Variants in YTHDF2 observed in about 807,000 individuals in gnomAD.
The protein encoded by YTHDF2 is YTH domain-containing family protein 2.
YTHDF2 carries 2 observed loss-of-function variants against 50.4 expected under a neutral mutation model. The ratio of observed to expected loss-of-function variants is 0.04; its 90% CI spans 0.02 to 0.12. The LOEUF (loss-of-function observed/expected upper bound fraction) is 0.12, where lower values mean the gene tolerates loss of function less well. Ranked by LOEUF, YTHDF2 falls within the 10% of genes least tolerant of loss-of-function variation. The pLI, the probability that YTHDF2 is intolerant of heterozygous loss-of-function variation, is 1.00. For missense variants in YTHDF2, 483 were observed against 722.6 expected, an observed-to-expected ratio of 0.67 and a Z score of 3.80; for synonymous variants, 217 against 255.6, an observed-to-expected ratio of 0.85 and a Z score of 1.44.
At chr1:28,750,981 T>C (rs965640080) in intron 4 of YTHDF2, among the ~76,000 whole-genome samples, 1 of 149,750 alleles carries the variant, frequency 6.7e-6, no homozygotes, top group Non-Finnish European at 1.5e-5. Flanking sequence ...TAATACCAGC[T>C]AGTTAGGAGG....
chr1:28,755,284 A>G (rs1375222592), intron 4 of YTHDF2, among the ~76,000 whole-genome samples: 1 of 152,138 alleles, frequency 6.6e-6, no homozygotes, highest in Non-Finnish European at 1.5e-5. Flanking sequence ...CAGGAATTTG[A>G]ATTTTCAACC....
intron 4 of YTHDF2, among the ~76,000 whole-genome samples, chr1:28,747,940 A>G (rs2087890135): frequency 1.3e-5 from 2 of 150,256 alleles, no homozygotes; most frequent in African/African-American, 2.4e-5. Context: ...CCTGGCTAAC[A>G]TGGTGAAACC....
At chr1:28,747,202 C>G (rs1193570301) in intron 4 of YTHDF2, among the ~76,000 whole-genome samples, 1 of 152,154 alleles carries the variant, frequency 6.6e-6, no homozygotes, top group African/African-American at 2.4e-5. Flanking sequence ...AATTGACCAG[C>G]CTTTTAATGT....
chr1:28,741,813 T>C (rs982251999), intron 3 of YTHDF2, among the ~76,000 whole-genome samples: 6 of 152,202 alleles, frequency 3.9e-5, no homozygotes, highest in African/African-American at 7.2e-5. Context: ...CTTGTTTTAT[T>C]ATCACCTGGT....
intron 3 of YTHDF2, among the ~76,000 whole-genome samples, chr1:28,739,932 A>C (rs1177735794): frequency 6.6e-6 from 1 of 152,238 alleles, no homozygotes; most frequent in African/African-American, 2.4e-5. Flanking sequence ...TATATCTTCC[A>C]AAATGCCCTG....
At chr1:28,754,019 C>T (rs974510737) in intron 4 of YTHDF2, among the ~76,000 whole-genome samples, 5 of 151,864 alleles carry the variant, frequency 3.3e-5, no homozygotes, top group African/African-American at 1.2e-4. Context: ...GGATTTTATT[C>T]TTTACCTGTG....
intron 4 of YTHDF2, among the ~76,000 whole-genome samples, chr1:28,761,799 C>A (rs2088137792): frequency 6.6e-6 from 1 of 152,086 alleles, no homozygotes; most frequent in African/African-American, 2.4e-5. Flanking sequence ...GTCCCAGCCT[C>A]CCAAAGTGCT....
chr1:28,742,328 G>A (rs1570462574), intron 3 of YTHDF2, 75 bp from the exon 4 acceptor site: 3 of 1,497,092 alleles, frequency 2.0e-6, no homozygotes, highest in Non-Finnish European at 2.7e-6. Context: ...TTTGAATTGC[G>A]TGACTAGGTG....
At position 28,743,136 on chromosome 1, in the gene YTHDF2, C is replaced by T. The variant is rs4059277; in HGVS notation, c.866C>T (p.Ser289Leu). The T allele has an allele frequency of 1.9e-6, 3 of 1,614,184 alleles. No individual in the cohort carries two copies. Among genetic ancestry groups the T allele is most frequent in the South Asian group, 1.1e-5 (1 of 91,078 alleles). ...AAGGGTCCCGTTGCAAAAGCCCCCTCACAGGCTTTGGTTCAGAATATAGGT... is the reference window on the plus strand; with the variant it reads ...AAGGGTCCCGTTGCAAAAGCCCCCTTACAGGCTTTGGTTCAGAATATAGGT... ...DNKGPVAKAP[S>L]QALVQNIGQP... The change falls in exon 4 of 5, where the codon TCA becomes TTA. Residue 289 changes from serine (S) to leucine (L), a missense_variant. Ser to Leu is a moderately radical substitution (Grantham distance 145, BLOSUM62 -2). This residue lies in a region of YTHDF2 where 385 missense variants were observed against 475.8 expected (regional missense o/e 0.81). Transcript: ENST00000373812. The surrounding 1 kb of genome is among the most constrained non-coding windows in gnomAD (Gnocchi z 6.9).
chr1:28,752,023 A>G lies in YTHDF2; in HGVS notation c.1716+8037A>G, dbSNP rs570163009. Among the ~76,000 whole-genome samples the G allele has an allele frequency of 7.9e-5, 12 of 152,326 alleles. No homozygotes were observed. In the South Asian group the frequency reaches 2.3e-3, roughly 29 times the overall value. ...ATATTTCAGATAAAGGAAGAGGCTC[A>G]GAGGTTATTTATCCAAAGTCTCATA... On this transcript the variant is annotated intron_variant, in intron 4 of 4. Transcript: ENST00000373812.
At chr1:28,755,441 A>G (rs778746665) in intron 4 of YTHDF2, among the ~76,000 whole-genome samples, 2 of 152,220 alleles carry the variant, frequency 1.3e-5, no homozygotes, top group Non-Finnish European at 2.9e-5. Context: ...TAATTCTTGT[A>G]TCCTTGTGAG....
intron 4 of YTHDF2, among the ~76,000 whole-genome samples, chr1:28,749,388 G>C (rs1359897934): frequency 6.6e-6 from 1 of 151,834 alleles, no homozygotes; most frequent in Non-Finnish European, 1.5e-5. Context: ...CACCGTGTTA[G>C]CCAGGATGGT....
chr1:28,762,085 C>G (rs1207660491), intron 4 of YTHDF2, among the ~76,000 whole-genome samples: 2 of 152,112 alleles, frequency 1.3e-5, no homozygotes, highest in Non-Finnish European at 2.9e-5. Context: ...TGTGTCATCA[C>G]ATCACTTTTA....
chr1:28,753,183 A>G (rs1038308254), intron 4 of YTHDF2, among the ~76,000 whole-genome samples: 4 of 151,836 alleles, frequency 2.6e-5, no homozygotes, highest in Middle Eastern at 3.4e-3. Flanking sequence ...CTAACCCCGA[A>G]GCTCATGGAC....
At chr1:28,758,841 C>T (rs1358074116) in intron 4 of YTHDF2, among the ~76,000 whole-genome samples, 1 of 152,044 alleles carries the variant, frequency 6.6e-6, no homozygotes, top group African/African-American at 2.4e-5. Context: ...AGGGGAAGTA[C>T]GGTGGACCTG....
chr1:28,766,049 A>G (rs1289061714), intron 4 of YTHDF2, among the ~76,000 whole-genome samples: 1 of 152,158 alleles, frequency 6.6e-6, no homozygotes, highest in Non-Finnish European at 1.5e-5. Flanking sequence ...TTGTGGTCCA[A>G]GTTCTAGTCC....
intron 4 of YTHDF2, among the ~76,000 whole-genome samples, chr1:28,749,340 C>A (rs1408489682): frequency 6.6e-6 from 1 of 151,884 alleles, no homozygotes; most frequent in Non-Finnish European, 1.5e-5. Flanking sequence ...TACAGGCGTC[C>A]GGCTAATTTT....
At chr1:28,745,377 A>G (rs1268182367) in intron 4 of YTHDF2, among the ~76,000 whole-genome samples, 1 of 152,122 alleles carries the variant, frequency 6.6e-6, no homozygotes, top group East Asian at 1.9e-4. Flanking sequence ...TGGCTAATAA[A>G]CTTCCTTTTT....
chr1:28,750,292 A>T (rs902057020), intron 4 of YTHDF2, among the ~76,000 whole-genome samples: 7 of 152,118 alleles, frequency 4.6e-5, no homozygotes, highest in Non-Finnish European at 7.4e-5. Context: ...CCCAGCCCAA[A>T]TTTTTTTAAG....
Sources: gnomAD v4.1 joint callset for allele counts (sites outside exome capture counted in the v4.1 genomes callset) on GRCh38, gnomAD v4.1.1 for gene constraint, gnomAD v4.1.1 regional missense constraint, Gnocchi (gnomAD v3.1) non-coding constraint, MANE v1.5 for transcripts, NCBI Gene and HGNC (gene_info 2026-07-23, HGNC 2026-07-21) for gene names.